Variants in CSMD3 observed in about 807,000 individuals in gnomAD.
The protein encoded by CSMD3 is CUB and sushi domain-containing protein 3.
CSMD3 carries 177 observed loss-of-function variants against 435.2 expected under a neutral mutation model. The observed-to-expected ratio is 0.41, with a 90% CI of 0.36 to 0.46. The LOEUF (loss-of-function observed/expected upper bound fraction) is 0.46. Ranked by LOEUF, CSMD3 falls within the 20% of genes least tolerant of loss-of-function variation. CSMD3 has a pLI of 0.34. For synonymous variants in CSMD3, 1,656 were observed against 1,520.5 expected, an observed-to-expected ratio of 1.09 and a Z score of -2.07; for missense variants, 4,265 against 4,504.6, an observed-to-expected ratio of 0.95 and a Z score of 1.52.
chr8:112,370,064 AAGAAGAAGAAGAAGAAGAAGT>A (rs1828219733), intron 38 of CSMD3, among the ~76,000 whole-genome samples: 1 of 150,714 alleles, frequency 6.6e-6, no homozygotes, highest in African/African-American at 2.4e-5. Flanking sequence ...GAAGAAGAAG[AAGAAGAAGAAGAAGAAGAAGT>A]AGTAGTAGTA....
chr8:113,073,842 C>A (rs899874406), intron 5 of CSMD3, among the ~76,000 whole-genome samples: 1 of 151,774 alleles, frequency 6.6e-6, no homozygotes, highest in South Asian at 2.1e-4. Flanking sequence ...GTTCCCCAGT[C>A]TTGTCATCCT....
chr8:112,660,617 T>C (rs899028254), intron 17 of CSMD3, among the ~76,000 whole-genome samples: 1 of 152,042 alleles, frequency 6.6e-6, no homozygotes, highest in Non-Finnish European at 1.5e-5. Context: ...GGGGTGGAAG[T>C]AAAGGAAAGG....
chr8:113,106,389 C>T (rs529856116), intron 4 of CSMD3, among the ~76,000 whole-genome samples: 1 of 152,116 alleles, frequency 6.6e-6, no homozygotes, highest in Admixed American at 6.5e-5. Flanking sequence ...ACACAGTGGA[C>T]TTAAACACAT....
At chr8:113,125,239 A>C (rs1406088940) in intron 4 of CSMD3, among the ~76,000 whole-genome samples, 1 of 151,972 alleles carries the variant, frequency 6.6e-6, no homozygotes, top group African/African-American at 2.4e-5. Context: ...AAGGGCTCCA[A>C]GTAGAAGTGG....
At chr8:112,265,695 T>C in intron 59 of CSMD3, 105 bp from the exon 60 acceptor site, 1 of 829,930 alleles carries the variant, frequency 1.2e-6, no homozygotes, top group Non-Finnish European at 2.1e-6. Flanking sequence ...GAAAATTAGT[T>C]ATCGTGTTCA....
intron 63 of CSMD3, among the ~76,000 whole-genome samples, chr8:112,252,679 G>GTA (rs10542301): frequency 0.036 from 5,123 of 141,210 alleles, 99 homozygotes; most frequent in Middle Eastern, 0.061. Flanking sequence ...ATGTGTGTGT[G>GTA]TATATATATA....
chr8:112,259,683 A>C (rs1389836294), intron 61 of CSMD3, among the ~76,000 whole-genome samples: 4 of 152,216 alleles, frequency 2.6e-5, no homozygotes, highest in African/African-American at 9.6e-5. Context: ...ACTGTGTTTA[A>C]ATTTTCACTA....
intron 13 of CSMD3, among the ~76,000 whole-genome samples, chr8:112,704,711 T>C (rs963904683): frequency 7.2e-5 from 11 of 152,166 alleles, no homozygotes; most frequent in African/African-American, 2.7e-4. Flanking sequence ...AGCTTATTTT[T>C]ATGGATAAGA....
At chr8:112,950,841 T>C (rs1008712802) in intron 8 of CSMD3, among the ~76,000 whole-genome samples, 1 of 151,968 alleles carries the variant, frequency 6.6e-6, no homozygotes, top group Admixed American at 6.6e-5. Flanking sequence ...TGTCATTAAC[T>C]ACAATTCAAA....
chr8:113,336,478 T>A (rs140278316), intron 1 of CSMD3, among the ~76,000 whole-genome samples: 21 of 152,284 alleles, frequency 1.4e-4, no homozygotes, highest in African/African-American at 4.8e-4. Flanking sequence ...GTTTTCTGTA[T>A]GACAAGTGAG....
intron 25 of CSMD3, among the ~76,000 whole-genome samples, chr8:112,554,444 A>G (rs1369474699): frequency 1.3e-5 from 2 of 151,990 alleles, no homozygotes; most frequent in Admixed American, 1.3e-4. Context: ...CTTTTGGACA[A>G]TCTGTAAACA....
intron 1 of CSMD3, among the ~76,000 whole-genome samples, chr8:113,414,817 A>AAG (rs2094574987): frequency 6.6e-6 from 1 of 152,070 alleles, no homozygotes; most frequent in African/African-American, 2.4e-5. Flanking sequence ...AAAACAAATA[A>AAG]TTAGCTGGGC....
intron 1 of CSMD3, among the ~76,000 whole-genome samples, chr8:113,397,579 A>G (rs1231968688): frequency 6.6e-6 from 1 of 152,062 alleles, no homozygotes; most frequent in African/African-American, 2.4e-5. Flanking sequence ...GCACTTTGGG[A>G]GGCCGAGGCG....
chr8:112,521,371 C>A (rs1824264877), intron 27 of CSMD3, among the ~76,000 whole-genome samples: 1 of 151,912 alleles, frequency 6.6e-6, no homozygotes, highest in African/African-American at 2.4e-5. Flanking sequence ...TGGTTTCTTT[C>A]AAAAACCTTT....
chr8:113,079,523 C>T (rs557405902), intron 5 of CSMD3, among the ~76,000 whole-genome samples: 1 of 151,888 alleles, frequency 6.6e-6, no homozygotes, highest in Non-Finnish European at 1.5e-5. Context: ...AAGACTGCAT[C>T]TGAGGTTGCA....
intron 1 of CSMD3, among the ~76,000 whole-genome samples, chr8:113,385,903 T>C (rs2094437211): frequency 6.6e-6 from 1 of 152,098 alleles, no homozygotes; most frequent in African/African-American, 2.4e-5. Context: ...ATTTTCCTCA[T>C]CTTTAGAGGT....
chr8:113,109,263 C>T (rs1342705152), intron 4 of CSMD3, among the ~76,000 whole-genome samples: 1 of 152,180 alleles, frequency 6.6e-6, no homozygotes, highest in Non-Finnish European at 1.5e-5. Context: ...TCATACCATT[C>T]CAATAGCTCT....
chr8:113,192,140 A>AT (rs1436348625), intron 3 of CSMD3, among the ~76,000 whole-genome samples: 2 of 151,350 alleles, frequency 1.3e-5, no homozygotes, highest in South Asian at 2.1e-4. Flanking sequence ...TGGATATTCA[A>AT]TTTTTTTCAG....
chr8:112,568,461 G>A (rs1368247963), intron 24 of CSMD3, among the ~76,000 whole-genome samples: 1 of 151,900 alleles, frequency 6.6e-6, no homozygotes, highest in Admixed American at 6.6e-5. Flanking sequence ...CAGGCATGGT[G>A]GTGGGCGCCT....
Sources: gnomAD v4.1 joint callset for allele counts (sites outside exome capture counted in the v4.1 genomes callset) on GRCh38, gnomAD v4.1.1 for gene constraint, MANE v1.5 for transcripts, NCBI Gene and HGNC (gene_info 2026-07-23, HGNC 2026-07-21) for gene names.